Variants in ADAMTS19 observed in about 807,000 individuals in gnomAD.
The protein encoded by ADAMTS19 is ADAM metallopeptidase with thrombospondin type 1 motif 19.
Under a neutral mutation model 153.3 loss-of-function variants are expected in ADAMTS19, and 93 were observed. That is an observed-to-expected ratio of 0.61 (90% CI 0.51 to 0.72). The LOEUF (loss-of-function observed/expected upper bound fraction) is 0.72, where lower values mean the gene tolerates loss of function less well. Among genes scored for constraint, ADAMTS19 ranks in the 30% least tolerant of loss-of-function variants. ADAMTS19 has a pLI of 0.00. For synonymous variants in ADAMTS19, 600 were observed against 556.6 expected (o/e 1.08, Z -1.10); for missense variants, 1,482 against 1,552.1 (o/e 0.95, Z 0.76).
rs1252226749 is a variant in ADAMTS19 at position 129,461,154 on chromosome 5, C to T, written c.144C>T (p.Leu48=). 2.8e-6 allele frequency: 4 copies of T among 1,406,468 alleles called. No individual in the cohort carries two copies. The Admixed American group carries it at 8.0e-5, about 28-fold the overall frequency. 87.1% of individuals were successfully genotyped at this position (1,406,468 alleles called of 1,614,324 possible). Residue 48 remains leucine (L), a synonymous_variant, in exon 2 of 23, where the codon CTC becomes CTT. Coordinates refer to ENST00000274487, the MANE Select transcript of ADAMTS19 (RefSeq NM_133638.6). The surrounding 1 kb of genome is among the most constrained non-coding windows in gnomAD (Gnocchi z 4.6). ...REEWEVVFPA[L]WRREPVDPAG... Reference sequence around the variant, plus strand: ...AGTGGGAAGTCGTGTTTCCTGCGCTCTGGCGCCGGGAGCCGGTGGACCCGG... The same window carrying T: ...AGTGGGAAGTCGTGTTTCCTGCGCTTTGGCGCCGGGAGCCGGTGGACCCGG...
intron 19 of ADAMTS19, among the ~76,000 whole-genome samples, chr5:129,699,962 C>A (rs1755754114): frequency 6.6e-6 from 1 of 152,088 alleles, no homozygotes; most frequent in African/African-American, 2.4e-5. Flanking sequence ...AGTATTATTT[C>A]AGGAATGTGC....
intron 2 of ADAMTS19, among the ~76,000 whole-genome samples, chr5:129,471,159 G>T (rs1180341855): frequency 6.6e-6 from 1 of 151,978 alleles, no homozygotes; most frequent in African/African-American, 2.4e-5. Context: ...TAAAAATAAG[G>T]CTTCCAGACT....
intron 2 of ADAMTS19, among the ~76,000 whole-genome samples, chr5:129,506,488 GGTTA>G (rs1446264983): frequency 1.3e-5 from 2 of 151,768 alleles, no homozygotes; most frequent in Non-Finnish European, 2.9e-5. Context: ...ACAATGTGCA[GGTTA>G]GTTACATATG....
chr5:129,664,809 C>A (rs1753967987), intron 15 of ADAMTS19, among the ~76,000 whole-genome samples: 1 of 152,100 alleles, frequency 6.6e-6, no homozygotes, highest in Non-Finnish European at 1.5e-5. Flanking sequence ...TTTTTCTGCA[C>A]ATTTTCTCTT....
intron 21 of ADAMTS19, among the ~76,000 whole-genome samples, chr5:129,730,969 T>C (rs1014970385): frequency 1.4e-5 from 2 of 148,014 alleles, no homozygotes; most frequent in African/African-American, 5.0e-5. Context: ...TTTTGTTTTG[T>C]TTTGTTTGAG....
At chr5:129,528,773 T>C (rs1456256306) in intron 6 of ADAMTS19, 96 bp downstream of exon 6, 1 of 1,048,206 alleles carries the variant, frequency 9.5e-7, no homozygotes, top group African/African-American at 1.7e-5. Flanking sequence ...TTATTTCAGA[T>C]TTCGTGTTTC....
chr5:129,485,238 C>G (rs1018609927), intron 2 of ADAMTS19, among the ~76,000 whole-genome samples: 14 of 151,924 alleles, frequency 9.2e-5, no homozygotes, highest in African/African-American at 3.4e-4. Flanking sequence ...TAAAACAATG[C>G]GCTACTAAAT....
intron 10 of ADAMTS19, among the ~76,000 whole-genome samples, chr5:129,623,614 G>A (rs112882879): frequency 2.6e-5 from 4 of 152,232 alleles, no homozygotes; most frequent in African/African-American, 9.6e-5. Context: ...TTGGTTTGTG[G>A]TTCTTATTAA....
chr5:129,473,713 G>A (rs941101850), intron 2 of ADAMTS19, among the ~76,000 whole-genome samples: 3 of 151,922 alleles, frequency 2.0e-5, no homozygotes, highest in Non-Finnish European at 2.9e-5. Context: ...GTTCTATTTA[G>A]TAATATTTTA....
At chr5:129,554,361 A>C (rs899654360) in intron 7 of ADAMTS19, among the ~76,000 whole-genome samples, 10 of 152,174 alleles carry the variant, frequency 6.6e-5, no homozygotes, top group African/African-American at 2.4e-4. Flanking sequence ...TAGGCCTCTC[A>C]TGGGGATTGT....
chr5:129,651,489 A>G (rs17163210), intron 13 of ADAMTS19, among the ~76,000 whole-genome samples: 3,770 of 152,226 alleles, frequency 0.025, 118 homozygotes, highest in African/African-American at 0.08. Context: ...AGAATCCTAT[A>G]TGGCCAGGCT....
intron 2 of ADAMTS19, among the ~76,000 whole-genome samples, chr5:129,465,450 A>G (rs13359527): frequency 0.21 from 32,412 of 151,664 alleles, 5,746 homozygotes; most frequent in African/African-American, 0.49. Context: ...GATGAAGTGT[A>G]GATACTAAAA....
At position 129,694,713 on chromosome 5, in the gene ADAMTS19, T is replaced by C; in HGVS notation, c.2819-7T>C. ...ATAATATTTCTTTGTTTATTTGTTC[T>C]TTTCAGGAGAAAGGAAGACAACAGT... is the stretch of plus-strand genomic sequence containing the variant. On this transcript the variant is annotated splice_region_variant and splice_polypyrimidine_tract_variant and intron_variant, in intron 18 of 22. Coordinates refer to ENST00000274487, the MANE Select transcript of ADAMTS19 (RefSeq NM_133638.6). 1.3e-6 allele frequency: 2 copies of C among 1,545,878 alleles called. No individual in the cohort carries two copies. The highest frequency in any genetic ancestry group is 1.7e-6 in the Non-Finnish European group (2 of 1,144,898).
chr5:129,640,929 A>C (rs927808251), intron 10 of ADAMTS19, among the ~76,000 whole-genome samples: 1 of 152,024 alleles, frequency 6.6e-6, no homozygotes, highest in Admixed American at 6.6e-5. Context: ...GGTTCAAGCA[A>C]TTCTCGTGCC....
At chr5:129,534,639 A>G (rs1234608391) in intron 6 of ADAMTS19, among the ~76,000 whole-genome samples, 1 of 152,226 alleles carries the variant, frequency 6.6e-6, no homozygotes, top group African/African-American at 2.4e-5. Flanking sequence ...ATTTTAGACC[A>G]ATATCCTTGA....
chr5:129,492,815 A>T (rs1750812253), intron 2 of ADAMTS19, among the ~76,000 whole-genome samples: 1 of 152,158 alleles, frequency 6.6e-6, no homozygotes, highest in Non-Finnish European at 1.5e-5. Context: ...CAGTAAAGCC[A>T]GATTTAGACT....
chr5:129,551,981 T>C, intron 7 of ADAMTS19, 74 bp downstream of exon 7: 1 of 961,832 alleles, frequency 1.0e-6, no homozygotes, highest in Non-Finnish European at 1.5e-6. Context: ...TATAGGAAAT[T>C]ATTTGTGTTC....
intron 12 of ADAMTS19, 47 bp from the exon 13 acceptor site, chr5:129,648,751 G>A: frequency 2.0e-6 from 3 of 1,530,854 alleles, no homozygotes; most frequent in Non-Finnish European, 2.7e-6. Context: ...AACCTAGGTA[G>A]TTAACATAAA....
At chr5:129,567,029 G>A (rs181598423) in intron 7 of ADAMTS19, among the ~76,000 whole-genome samples, 4 of 152,170 alleles carry the variant, frequency 2.6e-5, no homozygotes, top group Non-Finnish European at 5.9e-5. Context: ...GAGAGGGAAG[G>A]GCTTAGGAAA....
Sources: gnomAD v4.1 joint callset for allele counts (sites outside exome capture counted in the v4.1 genomes callset) on GRCh38, gnomAD v4.1.1 for gene constraint, Gnocchi (gnomAD v3.1) non-coding constraint, MANE v1.5 for transcripts, NCBI Gene and HGNC (gene_info 2026-07-23, HGNC 2026-07-21) for gene names.